LDB2: variants seen among roughly 807,000 people sequenced by gnomAD.
LDB2 encodes LIM domain binding 2, also known as LIM domain-binding protein 2.
A neutral mutation model predicts 44.3 loss-of-function variants in LDB2; 12 were observed. The observed-to-expected ratio is 0.27, with a 90% CI of 0.17 to 0.44. The LOEUF (loss-of-function observed/expected upper bound fraction) is 0.44. LDB2 is among the 20% of genes least tolerant of loss of function. LDB2 has a pLI of 1.00. For missense variants in LDB2, 344 were observed against 473.5 expected, an observed-to-expected ratio of 0.73 and a Z score of 2.54; for synonymous variants, 164 against 174.8, an observed-to-expected ratio of 0.94 and a Z score of 0.49.
chr4:16,836,829 A>G (rs2110082590), intron 1 of LDB2, among the ~76,000 whole-genome samples: 1 of 152,332 alleles, frequency 6.6e-6, no homozygotes, highest in African/African-American at 2.4e-5. Context: ...ACACACTAAA[A>G]GTGGCATTGC....
intron 1 of LDB2, among the ~76,000 whole-genome samples, chr4:16,769,455 C>T (rs980559732): frequency 6.6e-6 from 1 of 151,976 alleles, no homozygotes; most frequent in Non-Finnish European, 1.5e-5. Flanking sequence ...CACCACCATG[C>T]CCAGCTAATT....
chr4:16,683,673 C>T (rs1014440300), intron 2 of LDB2, among the ~76,000 whole-genome samples: 1 of 152,154 alleles, frequency 6.6e-6, no homozygotes, highest in Non-Finnish European at 1.5e-5. Context: ...ACGAAGGTGC[C>T]AGGATAGATA....
At chr4:16,612,768 G>T (rs554073771) in intron 2 of LDB2, among the ~76,000 whole-genome samples, 1 of 152,238 alleles carries the variant, frequency 6.6e-6, no homozygotes, top group Admixed American at 6.5e-5. Context: ...AATTGTACCG[G>T]AAATACAAAG....
intron 2 of LDB2, among the ~76,000 whole-genome samples, chr4:16,677,809 CA>C (rs1424424511): frequency 6.6e-6 from 1 of 152,172 alleles, no homozygotes; most frequent in Non-Finnish European, 1.5e-5. Context: ...CATGTGTTTC[CA>C]TTTCATACCA....
chr4:16,503,037 C>T, intron 7 of LDB2, 164 bp from the exon 8 acceptor site: 1 of 1,549,742 alleles, frequency 6.5e-7, no homozygotes, highest in Non-Finnish European at 8.7e-7. Context: ...TTGATTTCTA[C>T]AGGAAATAAA....
At chr4:16,589,575 T>C (rs1718187869) in intron 3 of LDB2, among the ~76,000 whole-genome samples, 1 of 152,226 alleles carries the variant, frequency 6.6e-6, no homozygotes, top group Non-Finnish European at 1.5e-5. Flanking sequence ...CATTTTAATC[T>C]TTTTTTGATA....
At chr4:16,508,477 C>G in intron 7 of LDB2, 58 bp downstream of exon 7, 1 of 1,381,156 alleles carries the variant, frequency 7.2e-7, no homozygotes, top group South Asian at 1.8e-5. Context: ...TAATTTGGGC[C>G]CTTTGAGTAG....
chr4:16,829,694 GTATGTTC>G (rs1783719323), intron 1 of LDB2, among the ~76,000 whole-genome samples: 1 of 152,120 alleles, frequency 6.6e-6, no homozygotes, highest in Non-Finnish European at 1.5e-5. Context: ...CACTTAGTCT[GTATGTTC>G]TGTGCTAAAT....
chr4:16,555,923 G>A (rs757054415), intron 5 of LDB2, among the ~76,000 whole-genome samples: 2 of 152,076 alleles, frequency 1.3e-5, no homozygotes, highest in East Asian at 1.9e-4. Context: ...TCCAGCCATG[G>A]CCCTTCTTCT....
chr4:16,834,600 G>A (rs999315657), intron 1 of LDB2, among the ~76,000 whole-genome samples: 14 of 152,130 alleles, frequency 9.2e-5, no homozygotes, highest in African/African-American at 3.1e-4. Context: ...AGGTCGAGGC[G>A]GGCGGATCAC....
rs540565719 is a variant in LDB2, at chr4:16,768,881, C to G, written c.133-9621G>C. Among the ~76,000 whole-genome samples the G allele has an allele frequency of 8.5e-5, 13 of 152,258 alleles. No homozygotes were observed. In the South Asian group the frequency reaches 2.5e-3, roughly 29 times the overall value. On this transcript the variant is annotated intron_variant, in intron 1 of 7. Coordinates refer to ENST00000304523, the MANE Select transcript of LDB2 (RefSeq NM_001290.5). Reference sequence around the variant, plus strand: ...TAACCCCATCTTATAGATGAGAAAACTGAGGCACTGAGGAGTTAGATATTT... The same window carrying G: ...TAACCCCATCTTATAGATGAGAAAAGTGAGGCACTGAGGAGTTAGATATTT...
intron 1 of LDB2, among the ~76,000 whole-genome samples, chr4:16,761,394 G>A (rs1767883072): frequency 6.6e-6 from 1 of 152,202 alleles, no homozygotes; most frequent in Non-Finnish European, 1.5e-5. Context: ...TATTTAGTCT[G>A]AGGTTGATTT....
intron 2 of LDB2, among the ~76,000 whole-genome samples, chr4:16,603,935 CAT>C (rs1480318520): frequency 6.6e-6 from 1 of 152,206 alleles, no homozygotes; most frequent in South Asian, 2.1e-4. Flanking sequence ...GTAATGCAAT[CAT>C]AGCTCACTGT....
intron 5 of LDB2, among the ~76,000 whole-genome samples, chr4:16,573,796 A>G (rs927205030): frequency 9.9e-5 from 15 of 152,254 alleles, no homozygotes; most frequent in East Asian, 9.7e-4. Context: ...ACCAGTAACT[A>G]CGGGTCATCT....
At chr4:16,779,378 C>T (rs16893981) in intron 1 of LDB2, among the ~76,000 whole-genome samples, 4,874 of 152,258 alleles carry the variant, frequency 0.032, 267 homozygotes, top group African/African-American at 0.11. Context: ...AGTGCGCTTT[C>T]GAAGCATGCA....
intron 1 of LDB2, among the ~76,000 whole-genome samples, chr4:16,835,625 T>C (rs62298184): frequency 0.18 from 27,318 of 152,230 alleles, 2,907 homozygotes; most frequent in Non-Finnish European, 0.23. Context: ...TAAATTCGAA[T>C]TGCTAGGTCA....
At chr4:16,652,859 G>A (rs140525332) in intron 2 of LDB2, among the ~76,000 whole-genome samples, 67 of 152,258 alleles carry the variant, frequency 4.4e-4, no homozygotes, top group Middle Eastern at 3.4e-3. Context: ...GCTGACTGTC[G>A]TGAAGGGAAC....
At chr4:16,828,915 G>A (rs1285066621) in intron 1 of LDB2, among the ~76,000 whole-genome samples, 7 of 152,162 alleles carry the variant, frequency 4.6e-5, no homozygotes, top group Non-Finnish European at 1.0e-4. Flanking sequence ...CCAAAGAAAA[G>A]TGAGCCAGTG....
At chr4:16,529,332 T>A (rs559339375) in intron 5 of LDB2, among the ~76,000 whole-genome samples, 1 of 152,298 alleles carries the variant, frequency 6.6e-6, no homozygotes, top group South Asian at 2.1e-4. Context: ...GCCTCCCTAA[T>A]GAGCCTGGGA....
Sources: gnomAD v4.1 joint callset for allele counts (sites outside exome capture counted in the v4.1 genomes callset) on GRCh38, gnomAD v4.1.1 for gene constraint, MANE v1.5 for transcripts, NCBI Gene and HGNC (gene_info 2026-07-23, HGNC 2026-07-21) for gene names.